Variants in ARHGAP32 observed in about 807,000 individuals in gnomAD.
ARHGAP32 encodes rho GTPase-activating protein 32.
In ARHGAP32, 51 loss-of-function variants were observed where a neutral mutation model predicts 186.5. The ratio of observed to expected loss-of-function variants is 0.27; its 90% CI spans 0.22 to 0.35. The LOEUF (loss-of-function observed/expected upper bound fraction) is 0.35. ARHGAP32 is among the 10% of genes least tolerant of loss of function. The probability of loss-of-function intolerance (pLI) is 1.00; values close to 1 mark genes in which losing one functional copy is unlikely to be tolerated. For missense variants in ARHGAP32, 2,186 were observed against 2,623.5 expected, an observed-to-expected ratio of 0.83 and a Z score of 3.64; for synonymous variants, 950 against 964.3, an observed-to-expected ratio of 0.99 and a Z score of 0.27.
intron 10 of ARHGAP32, among the ~76,000 whole-genome samples, chr11:129,042,565 A>G (rs1939640321): frequency 1.3e-5 from 2 of 152,196 alleles, no homozygotes; most frequent in African/African-American, 4.8e-5. Context: ...TTCTTACACA[A>G]GTCAGTTATG....
At chr11:128,982,169 C>T (rs1945722043) in intron 15 of ARHGAP32, among the ~76,000 whole-genome samples, 2 of 152,126 alleles carry the variant, frequency 1.3e-5, no homozygotes, top group African/African-American at 4.8e-5. Flanking sequence ...TGCCATTCTA[C>T]TTGCAGCAGA....
At chr11:128,996,821 G>A (rs575937488) in intron 12 of ARHGAP32, among the ~76,000 whole-genome samples, 29 of 151,348 alleles carry the variant, frequency 1.9e-4, no homozygotes, top group South Asian at 8.4e-4. Context: ...TTGCTCCGTC[G>A]CCCAGGCTGG....
At chr11:129,208,828 A>C (rs185297073) in intron 1 of ARHGAP32, among the ~76,000 whole-genome samples, 87 of 152,278 alleles carry the variant, frequency 5.7e-4, no homozygotes, top group African/African-American at 2.0e-3. Context: ...AAAGAAAACA[A>C]GTGACAAAAA....
intron 11 of ARHGAP32, among the ~76,000 whole-genome samples, chr11:129,009,980 G>A (rs948196980): frequency 1.3e-5 from 2 of 152,154 alleles, no homozygotes; most frequent in Non-Finnish European, 2.9e-5. Context: ...GTCAGCATCT[G>A]TTGTTTCTTG....
chr11:129,264,110 A>G (rs913756262), intron 1 of ARHGAP32, among the ~76,000 whole-genome samples: 2 of 152,212 alleles, frequency 1.3e-5, no homozygotes, highest in African/African-American at 4.8e-5. Flanking sequence ...CCTTGAGGAC[A>G]TTATGCTAAG....
intron 11 of ARHGAP32, among the ~76,000 whole-genome samples, chr11:129,015,313 G>C (rs1938285032): frequency 6.6e-6 from 1 of 152,094 alleles, no homozygotes; most frequent in South Asian, 2.1e-4. Context: ...TGGAAAATCA[G>C]GAGCTAACGT....
chr11:129,136,305 G>A (rs917394456), intron 2 of ARHGAP32, among the ~76,000 whole-genome samples: 2 of 152,118 alleles, frequency 1.3e-5, no homozygotes, highest in African/African-American at 4.8e-5. Context: ...ACATATTGCA[G>A]GATTTCATGT....
intron 10 of ARHGAP32, among the ~76,000 whole-genome samples, chr11:129,058,188 T>TACACACACACAC (rs58479028): frequency 2.2e-5 from 3 of 133,858 alleles, no homozygotes; most frequent in African/African-American, 5.6e-5. Flanking sequence ...AAAAAAAATA[T>TACACACACACAC]ACACACACAC....
chr11:129,143,072 C>CATATAT (rs145242519), intron 2 of ARHGAP32, among the ~76,000 whole-genome samples: 2,096 of 112,434 alleles, frequency 0.019, 106 homozygotes, highest in South Asian at 0.041. Context: ...GGTAAAACTG[C>CATATAT]ATATATATAT....
At chr11:129,096,928 G>C (rs1941746216) in intron 5 of ARHGAP32, among the ~76,000 whole-genome samples, 1 of 152,164 alleles carries the variant, frequency 6.6e-6, no homozygotes, top group Non-Finnish European at 1.5e-5. Flanking sequence ...CACTCTCAGA[G>C]AAAGGTACAG....
chr11:129,183,226 T>C (rs1237413478), intron 1 of ARHGAP32, among the ~76,000 whole-genome samples: 1 of 152,150 alleles, frequency 6.6e-6, no homozygotes, highest in Non-Finnish European at 1.5e-5. Context: ...GGGTTTTAAT[T>C]ACTGAGACTA....
chr11:129,057,702 A>C (rs938168899), intron 10 of ARHGAP32, among the ~76,000 whole-genome samples: 1 of 33,616 alleles, frequency 3.0e-5, no homozygotes, highest in Non-Finnish European at 5.2e-5. Context: ...AGCGTTTGAT[A>C]AAAAAAAAAA....
intron 12 of ARHGAP32, among the ~76,000 whole-genome samples, chr11:128,994,610 C>T (rs1000695362): frequency 6.6e-6 from 1 of 152,164 alleles, no homozygotes; most frequent in East Asian, 1.9e-4. Flanking sequence ...TGAGCCACCA[C>T]ACCCAGCCCC....
At chr11:129,034,244 C>A (rs929062637) in intron 11 of ARHGAP32, among the ~76,000 whole-genome samples, 1 of 152,176 alleles carries the variant, frequency 6.6e-6, no homozygotes, top group African/African-American at 2.4e-5. Flanking sequence ...TCTCCATATG[C>A]AGGGGTCACT....
At position 128,974,291 on chromosome 11, in the gene ARHGAP32, T is replaced by G; in HGVS notation, c.2906A>C (p.Gln969Pro). Reference protein sequence around the residue: ...ERDATNRSPTQIVKMKTNETV... With the variant: ...ERDATNRSPTPIVKMKTNETV... ...CTCATTTGTTTTCATCTTTACTATCTGGGTGGGGGATCTATTTGTGGCATC... is the reference window on the plus strand; with the variant it reads ...CTCATTTGTTTTCATCTTTACTATCGGGGTGGGGGATCTATTTGTGGCATC... The change falls in exon 21 of 23, where the codon CAG becomes CCG. Residue 969 changes from glutamine (Q) to proline (P), a missense_variant. Transcript: ENST00000682385. 1 of 1,614,212 alleles carries G rather than the reference T, an allele frequency of 6.2e-7. No homozygotes were observed. Among genetic ancestry groups the G allele is most frequent in the Non-Finnish European group, 8.5e-7 (1 of 1,180,028 alleles).
chr11:129,101,727 C>T (rs1046234226), intron 5 of ARHGAP32, among the ~76,000 whole-genome samples: 1 of 151,916 alleles, frequency 6.6e-6, no homozygotes, highest in Non-Finnish European at 1.5e-5. Context: ...AATCTACAAC[C>T]CCCTGGTGGC....
At chr11:128,991,419 GAAGAA>G (rs776930753) in intron 12 of ARHGAP32, among the ~76,000 whole-genome samples, 1 of 151,928 alleles carries the variant, frequency 6.6e-6, no homozygotes, top group Non-Finnish European at 1.5e-5. Flanking sequence ...CTTGAATCTT[GAAGAA>G]AAGGAGCAAA....
intron 1 of ARHGAP32, among the ~76,000 whole-genome samples, chr11:129,197,546 A>T (rs1944408399): frequency 6.6e-6 from 1 of 152,192 alleles, no homozygotes; most frequent in African/African-American, 2.4e-5. Flanking sequence ...ATAAATATAA[A>T]TATAAAATTT....
rs771427711 is a variant in ARHGAP32 at position 128,986,679 on chromosome 11, C to G, written c.1299-11G>C. 1 of 1,612,408 alleles carries G rather than the reference C, an allele frequency of 6.2e-7. No individual in the cohort carries two copies. The highest frequency in any genetic ancestry group is 8.5e-7 in the Non-Finnish European group (1 of 1,179,058). ...GAGTCAAATTCATGGCTGACGTAGA[C>G]AGAAGAGGACAAGCAAATCATTTGA... On this transcript the variant is annotated splice_polypyrimidine_tract_variant and intron_variant, in intron 13 of 22. Coordinates refer to ENST00000682385, the MANE Select transcript of ARHGAP32 (RefSeq NM_001378024.1).
Sources: allele counts gnomAD v4.1 joint callset (sites outside exome capture counted in the v4.1 genomes callset), GRCh38; gene constraint gnomAD v4.1.1; transcripts MANE v1.5; gene names NCBI Gene and HGNC (gene_info 2026-07-23, HGNC 2026-07-21).